RUNDC3B: variants seen among roughly 807,000 people sequenced by gnomAD.
RUNDC3B encodes the protein RUN domain-containing protein 3B.
In RUNDC3B, 33 loss-of-function variants were observed where a neutral mutation model predicts 58.4. That is an observed-to-expected ratio of 0.56 (90% CI 0.43 to 0.75). RUNDC3B has a LOEUF of 0.75. RUNDC3B is among the 30% of genes least tolerant of loss of function. RUNDC3B has a pLI of 0.00. For synonymous variants in RUNDC3B, 193 were observed against 195.2 expected (o/e 0.99, Z 0.10); for missense variants, 501 against 535.7 (o/e 0.94, Z 0.64).
At chr7:87,647,927 G>A (rs1584995245) in intron 1 of RUNDC3B, among the ~76,000 whole-genome samples, 2 of 152,134 alleles carry the variant, frequency 1.3e-5, no homozygotes, top group African/African-American at 4.8e-5. Flanking sequence ...GCTCATGCCT[G>A]TAATCCCAAC....
chr7:87,718,860 A>G (rs929037208), intron 4 of RUNDC3B, among the ~76,000 whole-genome samples: 1 of 152,136 alleles, frequency 6.6e-6, no homozygotes, highest in East Asian at 1.9e-4. Context: ...AGGTTAGCCA[A>G]TTCAGTTAGA....
chr7:87,764,021 T>C (rs1336677831), intron 6 of RUNDC3B, among the ~76,000 whole-genome samples: 2 of 151,876 alleles, frequency 1.3e-5, no homozygotes, highest in Non-Finnish European at 3.0e-5. Context: ...CTGACCTTGA[T>C]TTCTTTAGTT....
rs1311328093 is a variant in RUNDC3B at position 87,830,967 on chromosome 7, T to C, written c.*937T>C. The C allele has an allele frequency of 1.3e-5, 2 of 151,834 alleles. No individual in the cohort carries two copies. The highest frequency in any genetic ancestry group is 2.9e-5 in the Non-Finnish European group (2 of 67,864). The allele number at this position is 151,834 out of a possible 1,614,324, so 9.4% of individuals were successfully genotyped here. On this transcript the variant is annotated 3_prime_UTR_variant, in exon 11 of 11. Coordinates refer to ENST00000394654, the MANE Select transcript of RUNDC3B (RefSeq NM_001134405.2). Reference sequence around the variant, plus strand: ...GTTCTTTTTCCTGTTTGTGCAACAATGAAGTGTGTCATGTGTGTTTTATAG... The same window carrying C: ...GTTCTTTTTCCTGTTTGTGCAACAACGAAGTGTGTCATGTGTGTTTTATAG...
intron 8 of RUNDC3B, among the ~76,000 whole-genome samples, chr7:87,805,402 TG>T (rs1000985000): frequency 6.6e-6 from 1 of 152,172 alleles, no homozygotes; most frequent in African/African-American, 2.4e-5. Flanking sequence ...TCACAAAAGA[TG>T]GGAAATAGAT....
chr7:87,714,890 G>A (rs28381710), intron 4 of RUNDC3B, among the ~76,000 whole-genome samples: 7 of 151,964 alleles, frequency 4.6e-5, no homozygotes, highest in African/African-American at 1.7e-4. Context: ...CTGACCGCAC[G>A]TCCATTCATA....
intron 4 of RUNDC3B, among the ~76,000 whole-genome samples, chr7:87,714,298 G>A (rs1039050826): frequency 2.0e-5 from 3 of 152,070 alleles, no homozygotes; most frequent in Non-Finnish European, 2.9e-5. Context: ...CTGGTCCCAC[G>A]GTGCCAACAA....
At chr7:87,734,194 A>T (rs1301322566) in intron 4 of RUNDC3B, among the ~76,000 whole-genome samples, 1 of 152,206 alleles carries the variant, frequency 6.6e-6, no homozygotes, top group Non-Finnish European at 1.5e-5. Flanking sequence ...TGCTGGTGGG[A>T]AAAGAAAATT....
At chr7:87,738,345 C>A (rs1485802840) in intron 4 of RUNDC3B, among the ~76,000 whole-genome samples, 1 of 151,880 alleles carries the variant, frequency 6.6e-6, no homozygotes, top group Non-Finnish European at 1.5e-5. Flanking sequence ...GTAAAAAAAT[C>A]CTTCCATTTA....
chr7:87,634,447 C>A (rs1386936451), intron 1 of RUNDC3B, among the ~76,000 whole-genome samples: 1 of 146,208 alleles, frequency 6.8e-6, no homozygotes, highest in African/African-American at 2.6e-5. Context: ...CATGGTGAAA[C>A]CCCGTCTCTA....
intron 4 of RUNDC3B, among the ~76,000 whole-genome samples, chr7:87,719,321 T>G (rs781644701): frequency 6.6e-6 from 1 of 152,008 alleles, no homozygotes; most frequent in African/African-American, 2.4e-5. Context: ...TCCCTATAAG[T>G]TAATTTATAA....
intron 7 of RUNDC3B, 140 bp downstream of exon 7, chr7:87,770,889 A>G: frequency 1.8e-6 from 1 of 549,846 alleles, no homozygotes. Flanking sequence ...CCTCCTCTTA[A>G]TGAAAAATCA....
intron 2 of RUNDC3B, among the ~76,000 whole-genome samples, chr7:87,655,175 AAAT>A (rs1415712957): frequency 1.3e-5 from 2 of 152,122 alleles, no homozygotes; most frequent in Non-Finnish European, 2.9e-5. Context: ...GATTAAATAA[AAAT>A]AAAAATAGAA....
At chr7:87,794,654 G>A (rs762712016) in intron 8 of RUNDC3B, among the ~76,000 whole-genome samples, 1 of 149,962 alleles carries the variant, frequency 6.7e-6, no homozygotes. Flanking sequence ...ACATTTTTAT[G>A]GAACCACAAA....
At chr7:87,652,186 A>G (rs1389112596) in intron 2 of RUNDC3B, among the ~76,000 whole-genome samples, 1 of 152,120 alleles carries the variant, frequency 6.6e-6, no homozygotes, top group African/African-American at 2.4e-5. Context: ...GTTCATGAGA[A>G]TTTTACCTTA....
At chr7:87,670,951 C>A (rs1825767927) in intron 2 of RUNDC3B, among the ~76,000 whole-genome samples, 1 of 152,124 alleles carries the variant, frequency 6.6e-6, no homozygotes, top group Non-Finnish European at 1.5e-5. Context: ...GGGCTGCCCA[C>A]TGCAGCTTTG....
chr7:87,805,733 C>A (rs188632587), intron 8 of RUNDC3B, among the ~76,000 whole-genome samples: 17 of 152,056 alleles, frequency 1.1e-4, no homozygotes, highest in Admixed American at 6.6e-4. Flanking sequence ...ACAGATGCAC[C>A]TTTGCTTTTC....
chr7:87,673,860 T>C (rs1826064061), intron 2 of RUNDC3B, among the ~76,000 whole-genome samples: 1 of 152,220 alleles, frequency 6.6e-6, no homozygotes, highest in Non-Finnish European at 1.5e-5. Flanking sequence ...ACCTTTGATG[T>C]TGCTGTCCTT....
intron 6 of RUNDC3B, among the ~76,000 whole-genome samples, chr7:87,763,103 A>C (rs1374948710): frequency 6.6e-6 from 1 of 151,468 alleles, no homozygotes; most frequent in Non-Finnish European, 1.5e-5. Context: ...CTTTTCTTCT[A>C]TGATACCCCA....
At chr7:87,712,156 G>A (rs1220270912) in intron 4 of RUNDC3B, among the ~76,000 whole-genome samples, 4 of 152,036 alleles carry the variant, frequency 2.6e-5, no homozygotes, top group Admixed American at 2.0e-4. Flanking sequence ...ATGATTGTAA[G>A]TTTGACCAGG....
Sources: allele counts gnomAD v4.1 joint callset (sites outside exome capture counted in the v4.1 genomes callset), GRCh38; gene constraint gnomAD v4.1.1; transcripts MANE v1.5; gene names NCBI Gene and HGNC (gene_info 2026-07-23, HGNC 2026-07-21).